LDB3: variants seen among roughly 807,000 people sequenced by gnomAD.
LDB3 encodes the protein LIM domain-binding protein 3.
A neutral mutation model predicts 69.0 loss-of-function variants in LDB3; 49 were observed. The ratio of observed to expected loss-of-function variants is 0.71; its 90% CI spans 0.56 to 0.90. The LOEUF (loss-of-function observed/expected upper bound fraction) is 0.90, where lower values mean the gene tolerates loss of function less well. Ranked by LOEUF, LDB3 falls within the 40% of genes least tolerant of loss-of-function variation. The pLI is 0.00. For missense variants in LDB3, 928 were observed against 974.1 expected (o/e 0.95, Z 0.63); for synonymous variants, 387 against 396.2 (o/e 0.98, Z 0.28).
chr10:86,693,353 T>A (rs1421212058), intron 7 of LDB3, among the ~76,000 whole-genome samples: 1 of 152,218 alleles, frequency 6.6e-6, no homozygotes, highest in Non-Finnish European at 1.5e-5. Context: ...CTGCATGTTC[T>A]TCCCGGCACT....
intron 9 of LDB3, among the ~76,000 whole-genome samples, chr10:86,713,248 A>T (rs747762977): frequency 1.9e-4 from 29 of 151,910 alleles, no homozygotes; most frequent in Non-Finnish European, 3.7e-4. Flanking sequence ...TTCTGGTCTT[A>T]ATCTTTTTAT....
At chr10:86,670,643 A>G (rs1844420159) in intron 2 of LDB3, among the ~76,000 whole-genome samples, 1 of 152,210 alleles carries the variant, frequency 6.6e-6, no homozygotes, top group South Asian at 2.1e-4. Flanking sequence ...AGATAGCAGG[A>G]GGAATGTCCT....
intron 12 of LDB3, among the ~76,000 whole-genome samples, chr10:86,723,270 A>C (rs1847148238): frequency 3.1e-5 from 2 of 64,968 alleles, no homozygotes; most frequent in African/African-American, 8.1e-5. Context: ...ACTCAATCTA[A>C]AAAAAAAAAA....
chr10:86,730,773 G>A (rs1402100264), intron 13 of LDB3, among the ~76,000 whole-genome samples: 3 of 152,180 alleles, frequency 2.0e-5, no homozygotes, highest in Non-Finnish European at 2.9e-5. Context: ...TTGGTCCATG[G>A]TAGTCCCCAC....
In LDB3 at chr10:86,668,584, T is replaced by TCAGGGG. The variant is rs1255930509; in HGVS notation, c.-24+24_-24+29dup. On this transcript the variant is annotated intron_variant, in intron 1 of 13. Transcript: ENST00000361373. ...GGGACAGAACAGGCAAGGCTGGGGG[T>TCAGGGG]CAGGGGCAGGGGCAGAGGTGTGGAC... 106 of 898,104 alleles carry TCAGGGG rather than the reference T, an allele frequency of 1.2e-4. 1 individual carries two copies. The highest frequency in any genetic ancestry group is 1.0e-3 in the South Asian group (76 of 75,814). 55.6% of individuals were successfully genotyped at this position (898,104 alleles called of 1,614,324 possible). A position where few individuals can be genotyped will look rare whatever the true frequency, so the allele number is the denominator to read the frequency against.
chr10:86,713,113 T>A (rs898705160), intron 9 of LDB3, among the ~76,000 whole-genome samples: 14 of 151,808 alleles, frequency 9.2e-5, no homozygotes, highest in Non-Finnish European at 1.5e-5. Context: ...TATAAAATAA[T>A]TATTAATGTG....
At chr10:86,724,612 T>A (rs979560991) in intron 12 of LDB3, among the ~76,000 whole-genome samples, 2 of 149,168 alleles carry the variant, frequency 1.3e-5, no homozygotes, top group East Asian at 2.0e-4. Flanking sequence ...CAAAAAAAAA[T>A]AAAAATAAAA....
chr10:86,722,559 C>CTTTTTTT (rs1181539611), intron 12 of LDB3, among the ~76,000 whole-genome samples: 8 of 55,274 alleles, frequency 1.4e-4, no homozygotes, highest in Non-Finnish European at 1.7e-4. Context: ...CGTGCCTGGC[C>CTTTTTTT]TTTTTTTTTT....
At chr10:86,674,507 CA>C (rs1844666554) in intron 2 of LDB3, among the ~76,000 whole-genome samples, 1 of 152,194 alleles carries the variant, frequency 6.6e-6, no homozygotes, top group African/African-American at 2.4e-5. Flanking sequence ...GGCCTCCAAA[CA>C]CCTGCAGCCT....
chr10:86,668,704 G>GTGACCC lies in LDB3; in HGVS notation c.18_23dup (p.Leu7_Thr8dup), dbSNP rs763212970. On this transcript the variant is annotated inframe_insertion, in exon 2 of 14. Transcript: ENST00000361373. ...TGACAGCACCAGCATGTCTTACAGT[G>GTGACCC]TGACCCTGACTGGGCCCGGGCCCTG... 8 of 1,613,336 alleles carry GTGACCC rather than the reference G, an allele frequency of 5.0e-6. No homozygotes were observed. The highest frequency in any genetic ancestry group is 2.2e-5 in the South Asian group (2 of 91,082).
intron 7 of LDB3, 21 bp from the exon 8 acceptor site, chr10:86,706,510 T>C (rs1325951956): frequency 4.3e-6 from 7 of 1,610,472 alleles, no homozygotes; most frequent in Middle Eastern, 1.6e-4. Flanking sequence ...ACCTGTTGTC[T>C]TTTTGGTCCC....
At chr10:86,708,540 C>A (rs545014926) in intron 8 of LDB3, among the ~76,000 whole-genome samples, 2 of 152,264 alleles carry the variant, frequency 1.3e-5, no homozygotes, top group African/African-American at 4.8e-5. Context: ...TGCACCTTGG[C>A]CCGCCCCCAT....
At chr10:86,716,021 T>G (rs1846854617) in intron 9 of LDB3, among the ~76,000 whole-genome samples, 1 of 151,612 alleles carries the variant, frequency 6.6e-6, no homozygotes, top group Admixed American at 6.6e-5. Context: ...CTGCGTCTTA[T>G]GCAGGCCTTG....
intron 5 of LDB3, among the ~76,000 whole-genome samples, chr10:86,683,027 T>C (rs1845252273): frequency 6.6e-6 from 1 of 151,770 alleles, no homozygotes; most frequent in African/African-American, 2.4e-5. Flanking sequence ...GACAGAGCCA[T>C]ATATGCCCCC....
At chr10:86,703,536 C>G (rs1364560614) in intron 7 of LDB3, among the ~76,000 whole-genome samples, 1 of 152,242 alleles carries the variant, frequency 6.6e-6, no homozygotes, top group Non-Finnish European at 1.5e-5. Flanking sequence ...CAAAAGCTTC[C>G]CACGCAGTTA....
intron 2 of LDB3, among the ~76,000 whole-genome samples, chr10:86,670,045 G>A (rs994986424): frequency 3.3e-5 from 5 of 152,032 alleles, no homozygotes; most frequent in South Asian, 2.1e-4. Context: ...TTTGTTCCAC[G>A]GGTACTTGAG....
intron 13 of LDB3, among the ~76,000 whole-genome samples, chr10:86,730,062 G>A (rs575225836): frequency 6.6e-6 from 1 of 152,122 alleles, no homozygotes; most frequent in East Asian, 2.0e-4. Context: ...CATCCACCTG[G>A]GATGTTTTCA....
In LDB3 at chr10:86,668,765, T is replaced by C. The variant is rs1422946564; in HGVS notation, c.74T>C (p.Met25Thr). 10 of 1,613,110 alleles carry C rather than the reference T, an allele frequency of 6.2e-6. No homozygotes were observed. The South Asian group carries it at 6.6e-5, about 11-fold the overall frequency. Reference sequence around the variant, plus strand: ...CTGCAGGGGGGCAAGGACTTCAACATGCCCCTCACTATCTCCCGGGTGAGT... The same window carrying C: ...CTGCAGGGGGGCAAGGACTTCAACACGCCCCTCACTATCTCCCGGGTGAGT... ...FRLQGGKDFN[M>T]PLTISRITPG... The change falls in exon 2 of 14, where the codon ATG (methionine) becomes ACG (threonine). Residue 25 changes from methionine (M) to threonine (T), a missense_variant. Physicochemically the swap from Met to Thr is moderately conservative, Grantham distance 81. Coordinates refer to ENST00000361373, the MANE Select transcript of LDB3 (RefSeq NM_007078.3).
intron 13 of LDB3, among the ~76,000 whole-genome samples, chr10:86,731,007 T>C (rs1407215363): frequency 6.6e-6 from 1 of 151,344 alleles, no homozygotes; most frequent in Non-Finnish European, 1.5e-5. Context: ...CAAAAAAAAT[T>C]AGCTGAGTAT....
Sources: allele counts gnomAD v4.1 joint callset (sites outside exome capture counted in the v4.1 genomes callset), GRCh38; gene constraint gnomAD v4.1.1; transcripts MANE v1.5; gene names NCBI Gene and HGNC (gene_info 2026-07-23, HGNC 2026-07-21).